The following MRPL48 variants were observed in gnomAD, a reference collection of about 807,000 sequenced individuals.
The protein encoded by MRPL48 is large ribosomal subunit protein mL48.
Under a neutral mutation model 32.9 loss-of-function variants are expected in MRPL48, and 16 were observed. That is an observed-to-expected ratio of 0.49 (90% CI 0.33 to 0.74). The LOEUF is 0.74. Ranked by LOEUF, MRPL48 falls within the 30% of genes least tolerant of loss-of-function variation. The pLI, the probability that MRPL48 is intolerant of heterozygous loss-of-function variation, is 0.02. For missense variants in MRPL48, 206 were observed against 245.3 expected, an observed-to-expected ratio of 0.84 and a Z score of 1.07; for synonymous variants, 94 against 89.2, an observed-to-expected ratio of 1.05 and a Z score of -0.31.
intron 4 of MRPL48, among the ~76,000 whole-genome samples, chr11:73,826,774 CTT>C (rs71065041): frequency 6.4e-5 from 7 of 108,926 alleles, no homozygotes; most frequent in Admixed American, 9.9e-5. Flanking sequence ...ACTGTATTTT[CTT>C]TTTTTTTTTT....
intron 3 of MRPL48, among the ~76,000 whole-genome samples, chr11:73,824,833 A>G (rs954135752): frequency 2.6e-5 from 4 of 152,160 alleles, no homozygotes; most frequent in Middle Eastern, 3.2e-3. Context: ...TCAGGAGAGA[A>G]TTTCTCAAAG....
intron 3 of MRPL48, among the ~76,000 whole-genome samples, chr11:73,811,268 G>T (rs1411301039): frequency 1.3e-5 from 2 of 152,114 alleles, no homozygotes; most frequent in African/African-American, 2.4e-5. Flanking sequence ...CCTTAGGGAG[G>T]GTAGTCTAGG....
intron 4 of MRPL48, 139 bp from the exon 5 acceptor site, chr11:73,844,668 C>T (rs1948253509): frequency 1.1e-6 from 1 of 896,202 alleles, no homozygotes; most frequent in African/African-American, 1.7e-5. Flanking sequence ...AGGAGAACTT[C>T]AGTTTGTAGG....
At chr11:73,813,058 AT>A (rs747732450) in intron 3 of MRPL48, among the ~76,000 whole-genome samples, 48 of 151,424 alleles carry the variant, frequency 3.2e-4, no homozygotes, top group African/African-American at 6.3e-4. Context: ...GCCTAAAAAA[AT>A]AATATTTTTT....
At chr11:73,798,083 T>A (rs192489699) in intron 1 of MRPL48, among the ~76,000 whole-genome samples, 6 of 150,428 alleles carry the variant, frequency 4.0e-5, no homozygotes, top group African/African-American at 1.5e-4. Context: ...ACAAAAACAA[T>A]TTTTTTTTTC....
intron 1 of MRPL48, chr11:73,802,299 G>A (rs1042066950): frequency 2.0e-5 from 3 of 152,200 alleles, no homozygotes; most frequent in Non-Finnish European, 4.4e-5. Flanking sequence ...GACAGAGATT[G>A]TGCATACATT....
chr11:73,851,918 TACACACAC>T (rs35410725), intron 5 of MRPL48, among the ~76,000 whole-genome samples: 16 of 149,374 alleles, frequency 1.1e-4, no homozygotes, highest in African/African-American at 3.7e-4. Context: ...TCAGGGAACG[TACACACAC>T]ACACACACAC....
chr11:73,798,171 G>A (rs989931786), intron 1 of MRPL48, among the ~76,000 whole-genome samples: 4 of 151,996 alleles, frequency 2.6e-5, no homozygotes, highest in Admixed American at 2.6e-4. Flanking sequence ...TCCACCTCCT[G>A]GGTTCAAGTG....
chr11:73,812,738 A>ATATATATATATT (rs112576224), intron 3 of MRPL48, among the ~76,000 whole-genome samples: 460 of 142,020 alleles, frequency 3.2e-3, no homozygotes, highest in African/African-American at 5.6e-3. Context: ...ATATATATAT[A>ATATATATATATT]TATTTATTTA....
intron 3 of MRPL48, among the ~76,000 whole-genome samples, chr11:73,821,089 TC>T (rs1430907040): frequency 6.6e-6 from 1 of 152,156 alleles, no homozygotes; most frequent in Non-Finnish European, 1.5e-5. Context: ...TGAACTGGGC[TC>T]AAACAATCCT....
chr11:73,851,426 G>T (rs563986573), intron 5 of MRPL48, among the ~76,000 whole-genome samples: 1 of 152,298 alleles, frequency 6.6e-6, no homozygotes, highest in Middle Eastern at 3.4e-3. Context: ...ACATTAGAGT[G>T]CAACTGTGCT....
chr11:73,796,198 C>T (rs1483543245), intron 1 of MRPL48, among the ~76,000 whole-genome samples: 1 of 152,186 alleles, frequency 6.6e-6, no homozygotes, highest in Non-Finnish European at 1.5e-5. Flanking sequence ...GCAGGAGCTC[C>T]GCTCTTCCGA....
intron 3 of MRPL48, among the ~76,000 whole-genome samples, chr11:73,820,739 A>AATATGT (rs1555080104): frequency 6.6e-6 from 1 of 151,164 alleles, no homozygotes; most frequent in African/African-American, 2.4e-5. Flanking sequence ...TTGAGTGGAT[A>AATATGT]ATATATATAT....
chr11:73,824,101 G>C (rs1245555698), intron 3 of MRPL48, among the ~76,000 whole-genome samples: 1 of 151,736 alleles, frequency 6.6e-6, no homozygotes, highest in Non-Finnish European at 1.5e-5. Context: ...TGATCTACCT[G>C]CCTCGGCCTC....
intron 7 of MRPL48, 127 bp from the exon 8 acceptor site, chr11:73,864,169 A>G: frequency 1.3e-6 from 1 of 755,504 alleles, no homozygotes; most frequent in Non-Finnish European, 2.1e-6. Flanking sequence ...AGTAGATAAT[A>G]AAAGTTACTT....
chr11:73,790,086 T>C (rs1947121505), intron 1 of MRPL48, among the ~76,000 whole-genome samples: 1 of 136,368 alleles, frequency 7.3e-6, no homozygotes, highest in African/African-American at 2.8e-5. Flanking sequence ...TTTTTTTTTT[T>C]TGAGACAGAG....
chr11:73,814,533 A>G (rs34305761), intron 3 of MRPL48, among the ~76,000 whole-genome samples: 2 of 151,834 alleles, frequency 1.3e-5, no homozygotes, highest in South Asian at 2.1e-4. Flanking sequence ...CATCTCTACT[A>G]AAAATACAAA....
rs749814518 is a variant in MRPL48 at position 73,844,880 on chromosome 11, A to G, written c.275A>G (p.Asn92Ser). The change falls in exon 5 of 8, where the codon AAT becomes AGT. Residue 92 changes from asparagine (N) to serine (S), a missense_variant. Asn to Ser is a conservative substitution (Grantham distance 46). Transcript: ENST00000310614. ...LGTDYEYGVL[N>S]IHLTAYDMTL... The stretch of plus-strand genomic sequence containing the variant: ...ACAGATTATGAATATGGGGTTTTAA[A>G]TATTCATCTGACTGCATATGATATG... 3 of 1,613,812 alleles carry G rather than the reference A, an allele frequency of 1.9e-6. No individual in the cohort carries two copies. Among genetic ancestry groups the G allele is most frequent in the South Asian group, 2.2e-5 (2 of 91,078 alleles).
chr11:73,861,884 C>T lies in MRPL48; in HGVS notation c.475-1288C>T, dbSNP rs1364109528. ...GAATTTCTCTTGTGGTTCCTTGCAG[C>T]CCCCTGCCTGCCCTTTTACCATACA... is the stretch of plus-strand genomic sequence containing the variant. On this transcript the variant is annotated intron_variant, in intron 6 of 7. Transcript: ENST00000310614. 7.2e-5 allele frequency among the ~76,000 whole-genome samples: 11 copies of T among 152,312 alleles called. No individual in the cohort carries two copies. The South Asian group carries it at 1.9e-3, about 26-fold the overall frequency.
Sources: gnomAD v4.1 joint callset for allele counts (sites outside exome capture counted in the v4.1 genomes callset) on GRCh38, gnomAD v4.1.1 for gene constraint, MANE v1.5 for transcripts, NCBI Gene and HGNC (gene_info 2026-07-23, HGNC 2026-07-21) for gene names.